KIF6: variants seen among roughly 807,000 people sequenced by gnomAD.
KIF6 encodes kinesin family member 6, also known as kinesin-like protein KIF6.
Under a neutral mutation model 112.7 loss-of-function variants are expected in KIF6, and 106 were observed. That is an observed-to-expected ratio of 0.94 (90% CI 0.80 to 1.11). The LOEUF (loss-of-function observed/expected upper bound fraction) is 1.11. Among genes scored for constraint, KIF6 ranks in the 50% least tolerant of loss-of-function variants. The pLI is 0.00. For missense variants in KIF6, 929 were observed against 964.0 expected, an observed-to-expected ratio of 0.96 and a Z score of 0.48; for synonymous variants, 339 against 339.9, an observed-to-expected ratio of 1.00 and a Z score of 0.03.
At chr6:39,537,250 C>A (rs1483207010) in intron 13 of KIF6, among the ~76,000 whole-genome samples, 1 of 152,124 alleles carries the variant, frequency 6.6e-6, no homozygotes. Context: ...AAAGGGTACT[C>A]AATTAGGAAA....
Position 39,613,414 on chromosome 6 carries a change from G to A in KIF6, c.510-96C>T, listed in dbSNP as rs114351281. 2.2e-3 allele frequency: 1,937 copies of A among 880,188 alleles called. 22 individuals carry two copies. The African/African-American group carries it at 0.029, about 13-fold the overall frequency. 54.5% of individuals were successfully genotyped at this position (880,188 alleles called of 1,614,324 possible). On this transcript the variant is annotated intron_variant, in intron 5 of 22. Coordinates refer to ENST00000287152, the MANE Select transcript of KIF6 (RefSeq NM_145027.6). ...CTTTTAAAAAGCTGTATAGTATGAC[G>A]TCTTGAACTTATAAAAGCAAATAAC... is the stretch of plus-strand genomic sequence containing the variant.
At chr6:39,573,673 A>G (rs74515719) in intron 10 of KIF6, among the ~76,000 whole-genome samples, 1,937 of 152,322 alleles carry the variant, frequency 0.013, 41 homozygotes, top group African/African-American at 0.043. Context: ...AAGTCATTTC[A>G]TTGGGAAATG....
intron 14 of KIF6, among the ~76,000 whole-genome samples, chr6:39,430,112 G>C (rs757909284): frequency 2.0e-5 from 3 of 151,940 alleles, no homozygotes; most frequent in Non-Finnish European, 4.4e-5. Flanking sequence ...CTCTCCTCTT[G>C]ACTTGGCTAT....
At position 39,718,229 on chromosome 6, in the gene KIF6, CAAAAAAAAAAAAA is replaced by C. The variant is rs35872391; in HGVS notation, c.176+2460_176+2472del. Among the ~76,000 whole-genome samples the C allele has an allele frequency of 1.2e-4, 7 of 58,962 alleles. No homozygotes were observed. In the East Asian group the frequency reaches 3.0e-3, roughly 25 times the overall value. The allele number at this position is 58,962 out of a possible 152,430, so 38.7% of individuals were successfully genotyped here. A position where few individuals can be genotyped will look rare whatever the true frequency, so the allele number is the denominator to read the frequency against. On this transcript the variant is annotated intron_variant, in intron 2 of 22. Transcript: ENST00000287152. The stretch of plus-strand genomic sequence containing the variant: ...TGGGCGACAGAGTGAGACTCCATCT[CAAAAAAAAAAAAA>C]AAAAAAAAAAAGAATACTTTGGATA...
At chr6:39,380,098 G>C (rs1319651305) in intron 16 of KIF6, among the ~76,000 whole-genome samples, 1 of 152,190 alleles carries the variant, frequency 6.6e-6, no homozygotes, top group East Asian at 1.9e-4. Context: ...ACAGTAAAGT[G>C]GTAAAAACAC....
At chr6:39,458,599 A>G (rs868482314) in intron 13 of KIF6, among the ~76,000 whole-genome samples, 21,009 of 144,490 alleles carry the variant, frequency 0.15, 1,970 homozygotes, top group African/African-American at 0.26. Context: ...TTTGCAGACG[A>G]CATGATTGTT....
chr6:39,425,508 C>T (rs749311083), intron 14 of KIF6, among the ~76,000 whole-genome samples: 2 of 152,012 alleles, frequency 1.3e-5, no homozygotes, highest in East Asian at 1.9e-4. Context: ...CTCCCTCTCC[C>T]GCCTCCAGTT....
intron 3 of KIF6, among the ~76,000 whole-genome samples, chr6:39,704,775 C>CTTT (rs1789098514): frequency 6.6e-6 from 1 of 152,192 alleles, no homozygotes; most frequent in Non-Finnish European, 1.5e-5. Context: ...CCAATTATAT[C>CTTT]TTTAGAGAAA....
At chr6:39,346,106 C>CT (rs1562113115) in intron 20 of KIF6, among the ~76,000 whole-genome samples, 8 of 31,558 alleles carry the variant, frequency 2.5e-4, no homozygotes, top group African/African-American at 1.4e-3. Context: ...TCCCTCCCCC[C>CT]CTCCCTCTCC....
At chr6:39,364,415 A>T (rs183436416) in intron 16 of KIF6, among the ~76,000 whole-genome samples, 2 of 152,192 alleles carry the variant, frequency 1.3e-5, no homozygotes, top group East Asian at 3.9e-4. Flanking sequence ...CACCGCGCCC[A>T]GCCCCCTTTT....
intron 14 of KIF6, among the ~76,000 whole-genome samples, chr6:39,422,619 A>G (rs1770454834): frequency 6.6e-6 from 1 of 152,018 alleles, no homozygotes; most frequent in Admixed American, 6.5e-5. Context: ...GGGAAAGAGC[A>G]AGTGTCAAAG....
intron 16 of KIF6, among the ~76,000 whole-genome samples, chr6:39,373,960 ACT>A (rs1210210751): frequency 1.3e-5 from 2 of 152,186 alleles, no homozygotes; most frequent in Non-Finnish European, 2.9e-5. Flanking sequence ...GAGGCATTAC[ACT>A]CTCTGTTTTT....
intron 20 of KIF6, among the ~76,000 whole-genome samples, chr6:39,346,134 T>TCCCC (rs1763775591): frequency 1.3e-5 from 1 of 76,666 alleles, no homozygotes; most frequent in African/African-American, 6.6e-5. Context: ...TCCCTCTCCC[T>TCCCC]CTCTCTCTCT....
chr6:39,529,833 T>A (rs1256638692), intron 13 of KIF6, among the ~76,000 whole-genome samples: 1 of 152,216 alleles, frequency 6.6e-6, no homozygotes, highest in Non-Finnish European at 1.5e-5. Context: ...AGAAGACATA[T>A]AAATGTTCAC....
intron 13 of KIF6, among the ~76,000 whole-genome samples, chr6:39,450,615 G>T (rs1772633203): frequency 6.6e-6 from 1 of 151,978 alleles, no homozygotes; most frequent in Non-Finnish European, 1.5e-5. Flanking sequence ...GACCAGCCTG[G>T]GCAACATGGT....
At chr6:39,631,501 A>C (rs1198675026) in intron 5 of KIF6, among the ~76,000 whole-genome samples, 1 of 152,094 alleles carries the variant, frequency 6.6e-6, no homozygotes, top group Non-Finnish European at 1.5e-5. Context: ...TGGGTGTTAA[A>C]TACTATTTCT....
chr6:39,457,883 T>C (rs896350904), intron 13 of KIF6, among the ~76,000 whole-genome samples: 2 of 150,882 alleles, frequency 1.3e-5, no homozygotes, highest in African/African-American at 2.4e-5. Context: ...TAATCAATAG[T>C]TTACCAATGA....
At chr6:39,641,320 A>C (rs988907368) in intron 3 of KIF6, among the ~76,000 whole-genome samples, 3 of 152,152 alleles carry the variant, frequency 2.0e-5, no homozygotes, top group African/African-American at 7.2e-5. Context: ...AGCCATAAAA[A>C]TTGATGAGTT....
chr6:39,598,653 A>G (rs1782420772), intron 6 of KIF6, among the ~76,000 whole-genome samples: 1 of 152,040 alleles, frequency 6.6e-6, no homozygotes, highest in Non-Finnish European at 1.5e-5. Context: ...CGATAAGGAC[A>G]TATATATGTG....
Sources: gnomAD v4.1 joint callset for allele counts (sites outside exome capture counted in the v4.1 genomes callset) on GRCh38, gnomAD v4.1.1 for gene constraint, MANE v1.5 for transcripts, NCBI Gene and HGNC (gene_info 2026-07-23, HGNC 2026-07-21) for gene names.